The following COL27A1 variants were observed in gnomAD, a reference collection of about 807,000 sequenced individuals.
COL27A1 encodes the protein collagen alpha-1(XXVII) chain.
A neutral mutation model predicts 251.3 loss-of-function variants in COL27A1; 106 were observed. The ratio of observed to expected loss-of-function variants is 0.42; its 90% CI spans 0.36 to 0.50. The LOEUF (loss-of-function observed/expected upper bound fraction) is 0.50. COL27A1 is among the 20% of genes least tolerant of loss of function. The probability of loss-of-function intolerance (pLI) is 0.00; values close to 1 mark genes in which losing one functional copy is unlikely to be tolerated. For synonymous variants in COL27A1, 1,000 were observed against 986.3 expected (o/e 1.01, Z -0.26); for missense variants, 2,325 against 2,522.8 (o/e 0.92, Z 1.68).
intron 5 of COL27A1, among the ~76,000 whole-genome samples, chr9:114,190,522 C>T (rs1828683552): frequency 6.6e-6 from 1 of 152,146 alleles, no homozygotes. Context: ...CCTTCCTTGG[C>T]CTCTTAAAGT....
rs766291510 is a variant in COL27A1 at position 114,231,911 on chromosome 9, C to G, written c.2565+45C>G. ...ATTGCACTGTGGTTTCTCTGCATGC[C>G]ACCCCCCTCTCCGCCCGGAGGCTGC... On this transcript the variant is annotated intron_variant, in intron 16 of 60. Coordinates refer to ENST00000356083, the MANE Select transcript of COL27A1 (RefSeq NM_032888.4). 23 of 1,587,506 alleles carry G rather than the reference C, an allele frequency of 1.4e-5. No homozygotes were observed. The Admixed American group carries it at 3.8e-4, about 26-fold the overall frequency.
At chr9:114,306,270 A>G (rs1829038806) in intron 57 of COL27A1, 1 of 431,430 alleles carries the variant, frequency 2.3e-6, no homozygotes, top group African/African-American at 2.0e-5. Flanking sequence ...TGCCTGTCCC[A>G]TATCAGAGAA....
rs1292467814 is a variant in COL27A1 at position 114,168,481 on chromosome 9, AC to A, written c.928del (p.Gln310SerfsTer148). On this transcript the variant is annotated frameshift_variant, in exon 3 of 61. Coordinates refer to ENST00000356083, the MANE Select transcript of COL27A1 (RefSeq NM_032888.4). LOFTEE classifies it high-confidence loss of function. ...KPQRTSPTNP[H>X]QHMAVGGPAQ... is the part of the protein sequence containing the mutation. ...CAAAGGACTAGCCCCACAAACCCTC[AC>A]CAGCATATGGCGGTGGGAGGCCCAG... 2 of 1,613,454 alleles carry A rather than the reference AC, an allele frequency of 1.2e-6. No individual in the cohort carries two copies. Among genetic ancestry groups the A allele is most frequent in the African/African-American group, 2.7e-5 (2 of 74,738 alleles).
At chr9:114,211,173 A>G in intron 12 of COL27A1, 147 bp downstream of exon 12, 1 of 837,110 alleles carries the variant, frequency 1.2e-6, no homozygotes, top group South Asian at 1.5e-5. Flanking sequence ...GTCTGGCCAC[A>G]GGACCTGCTG....
Position 114,288,494 on chromosome 9 carries a change from G to A in COL27A1, c.4027G>A (p.Gly1343Arg), listed in dbSNP as rs1564573743. ...GEDGKAEGPP[G>R]PPGDRGPVGD... ...GGACGGCAAGGCTGAGGGGCCCCCT[G>A]GGCCACCTGGAGATCGGGTAAGCCC... is the stretch of plus-strand genomic sequence containing the variant. The change falls in exon 42 of 61, where the codon GGG becomes AGG. Residue 1343 changes from glycine to arginine, a missense_variant. Around this residue, in one of 4 missense-constraint regions of COL27A1, gnomAD observed 662 missense variants for 795.3 expected, o/e 0.83. Transcript: ENST00000356083. 1 of 1,607,810 alleles carries A rather than the reference G, an allele frequency of 6.2e-7. No individual in the cohort carries two copies.
In COL27A1 at chr9:114,304,742, T is replaced by A. The variant is rs903256679; in HGVS notation, c.4938+69T>A. The A allele has an allele frequency of 2.2e-6, 3 of 1,356,874 alleles. No homozygotes were observed. The East Asian group carries it at 6.9e-5, about 31-fold the overall frequency. 84.1% of individuals were successfully genotyped at this position (1,356,874 alleles called of 1,614,324 possible). A position where few individuals can be genotyped will look rare whatever the true frequency, so the allele number is the denominator to read the frequency against. ...AAACGCAAATAGATAATGGCCCACATGTGGTCAGTGCCTTCCATGTGGCCT... is the reference window on the plus strand; with the variant it reads ...AAACGCAAATAGATAATGGCCCACAAGTGGTCAGTGCCTTCCATGTGGCCT... On this transcript the variant is annotated intron_variant, in intron 57 of 60. Transcript: ENST00000356083.
chr9:114,236,042 G>T (rs570557292), intron 17 of COL27A1, among the ~76,000 whole-genome samples: 1 of 151,806 alleles, frequency 6.6e-6, no homozygotes, highest in Non-Finnish European at 1.5e-5. Context: ...CCTGCTCCCC[G>T]CCTTACAGCT....
At chr9:114,299,978 G>A in intron 49 of COL27A1, 92 bp from the exon 50 acceptor site, 1 of 1,193,034 alleles carries the variant, frequency 8.4e-7, no homozygotes, top group South Asian at 1.2e-5. Flanking sequence ...GAAAGGCTGG[G>A]AGGGAAAAGG....
At chr9:114,159,673 C>T (rs186417362) in intron 1 of COL27A1, among the ~76,000 whole-genome samples, 13 of 152,240 alleles carry the variant, frequency 8.5e-5, no homozygotes, top group Admixed American at 7.9e-4. Flanking sequence ...TTGTGCTTTC[C>T]GGATTGTCAA....
At chr9:114,267,149 T>A (rs1287950987) in intron 33 of COL27A1, among the ~76,000 whole-genome samples, 1 of 152,192 alleles carries the variant, frequency 6.6e-6, no homozygotes, top group Non-Finnish European at 1.5e-5. Context: ...AGGGTTAGAA[T>A]CACTTGGCCC....
Position 114,290,909 on chromosome 9 carries a change from G to A in COL27A1, c.4468G>A (p.Gly1490Arg), listed in dbSNP as rs1236544009. ...AGLPGAQGPP[G>R]FKGESGLPGQ... ...CTTACCTGGAGCACAGGGACCCCCA[G>A]GATTCAAGGTCAGATACCTCTTAAT... is the stretch of plus-strand genomic sequence containing the variant. Residue 1490 changes from glycine (G) to arginine (R), a missense_variant, in exon 48 of 61, where the codon GGA (glycine) becomes AGA (arginine). Gly to Arg is a moderately radical substitution (Grantham distance 125). Transcript: ENST00000356083. The surrounding 1 kb of genome is among the most constrained non-coding windows in gnomAD (Gnocchi z 4.6). The A allele has an allele frequency of 6.4e-7, 1 of 1,550,908 alleles. No individual in the cohort carries two copies. The highest frequency in any genetic ancestry group is 2.0e-5 in the Admixed American group (1 of 50,964).
At chr9:114,264,122 G>A (rs1834551247) in intron 28 of COL27A1, among the ~76,000 whole-genome samples, 1 of 152,234 alleles carries the variant, frequency 6.6e-6, no homozygotes, top group Non-Finnish European at 1.5e-5. Context: ...GCCCCCTTCT[G>A]GAAGCATCAG....
At chr9:114,246,088 A>G in intron 24 of COL27A1, 178 bp downstream of exon 24, 1 of 555,658 alleles carries the variant, frequency 1.8e-6, no homozygotes, top group Non-Finnish European at 3.2e-6. Flanking sequence ...AGAACGGGGA[A>G]GTCTGTAAAT....
At chr9:114,158,890 T>A (rs1452204226) in intron 1 of COL27A1, among the ~76,000 whole-genome samples, 3 of 152,252 alleles carry the variant, frequency 2.0e-5, no homozygotes, top group Admixed American at 6.5e-5. Context: ...AAGGACTATC[T>A]GTTAAGTCAT....
At chr9:114,154,289 A>T (rs1259589692), upstream of COL27A1, among the ~76,000 whole-genome samples, 1 of 152,090 alleles carries the variant, frequency 6.6e-6, no homozygotes, top group East Asian at 1.9e-4. This position sits in a 1 kb window ranked among gnomAD's most constrained non-coding sequence, Gnocchi z 5.8. Context: ...CCCCGCGCCC[A>T]CGGCTGCGGG....
At position 114,155,898 on chromosome 9, in the gene COL27A1, G is replaced by C. The variant is rs1848086729; in HGVS notation, c.-53G>C. On this transcript the variant is annotated 5_prime_UTR_variant, in exon 1 of 61. Coordinates refer to ENST00000356083, the MANE Select transcript of COL27A1 (RefSeq NM_032888.4). The surrounding 1 kb of genome is among the most constrained non-coding windows in gnomAD (Gnocchi z 5.5). ...GGGGCGGGGGGCTGGCGGCCCCATG[G>C]GGCGCGCCCACACTTGCCCCCCGGG... 4 of 1,179,464 alleles carry C rather than the reference G, an allele frequency of 3.4e-6. No individual in the cohort carries two copies. The East Asian group carries it at 1.4e-4, about 42-fold the overall frequency. 73.1% of individuals were successfully genotyped at this position (1,179,464 alleles called of 1,614,324 possible). A position where few individuals can be genotyped will look rare whatever the true frequency, so the allele number is the denominator to read the frequency against.
chr9:114,243,026 CG>C (rs938439749), intron 22 of COL27A1, among the ~76,000 whole-genome samples: 6 of 152,160 alleles, frequency 3.9e-5, no homozygotes, highest in Admixed American at 3.3e-4. Flanking sequence ...CATGCAGCCT[CG>C]GGAAGATGCC....
At position 114,178,353 on chromosome 9, in the gene COL27A1, T is replaced by C; in HGVS notation, c.1962+9T>C. 6.2e-7 allele frequency: 1 copy of C among 1,613,688 alleles called. No individual in the cohort carries two copies. The highest frequency in any genetic ancestry group is 8.5e-7 in the Non-Finnish European group (1 of 1,179,616). On this transcript the variant is annotated intron_variant, in intron 4 of 60. Coordinates refer to ENST00000356083, the MANE Select transcript of COL27A1 (RefSeq NM_032888.4). ...GTGCACGTGGGCCTCGGGTGAGTTA[T>C]CTCACACTGTCCTTTGGAACTCTTG...
rs751227152 is a variant in COL27A1, at chr9:114,231,127, A to G, written c.2515A>G (p.Met839Val). ...GATTGGCTACCCGGGACCCAAGGGC[A>G]TGAAGGTAAGCAAGGGATGTTCCCC... Reference protein sequence around the residue: ...GPIGYPGPKGMKGLMGSVGEP... With the variant: ...GPIGYPGPKGVKGLMGSVGEP... Residue 839 changes from methionine to valine, a missense_variant, in exon 15 of 61, where the codon ATG (methionine) becomes GTG (valine). Around this residue, in one of 4 missense-constraint regions of COL27A1, gnomAD observed 1,183 missense variants for 1,144.1 expected, o/e 1.03. Coordinates refer to ENST00000356083, the MANE Select transcript of COL27A1 (RefSeq NM_032888.4). 6.2e-7 allele frequency: 1 copy of G among 1,613,520 alleles called. No individual in the cohort carries two copies. Among genetic ancestry groups the G allele is most frequent in the South Asian group, 1.1e-5 (1 of 90,822 alleles).
Sources: allele counts gnomAD v4.1 joint callset (sites outside exome capture counted in the v4.1 genomes callset), GRCh38; gene constraint gnomAD v4.1.1; regional missense constraint gnomAD v4.1.1; non-coding constraint Gnocchi (gnomAD v3.1); transcripts MANE v1.5; gene names NCBI Gene and HGNC (gene_info 2026-07-23, HGNC 2026-07-21).